ADAMTS16: variants seen among roughly 807,000 people sequenced by gnomAD.
ADAMTS16 encodes the protein A disintegrin and metalloproteinase with thrombospondin motifs 16.
Under a neutral mutation model 145.8 loss-of-function variants are expected in ADAMTS16, and 94 were observed. That is an observed-to-expected ratio of 0.64 (90% CI 0.55 to 0.77). ADAMTS16 has a LOEUF of 0.77. ADAMTS16 is among the 30% of genes least tolerant of loss of function. The pLI, the probability that ADAMTS16 is intolerant of heterozygous loss-of-function variation, is 0.00. For synonymous variants in ADAMTS16, 659 were observed against 604.3 expected, an observed-to-expected ratio of 1.09 and a Z score of -1.33; for missense variants, 1,585 against 1,591.5, an observed-to-expected ratio of 1.00 and a Z score of 0.07.
At chr5:5,288,198 C>A (rs1739173765) in intron 18 of ADAMTS16, among the ~76,000 whole-genome samples, 1 of 152,100 alleles carries the variant, frequency 6.6e-6, no homozygotes, top group African/African-American at 2.4e-5. Context: ...AGCCGAAGAA[C>A]GGAAGCCCAT....
chr5:5,303,868 T>C, intron 20 of ADAMTS16, 102 bp downstream of exon 20: 1 of 1,331,968 alleles, frequency 7.5e-7, no homozygotes, highest in Non-Finnish European at 1.0e-6. Flanking sequence ...TCTTCTCCCC[T>C]TATATCTCTT....
At position 5,215,896 on chromosome 5, in the gene ADAMTS16, A is replaced by G. The variant is rs370828350; in HGVS notation, c.1605+6650A>G. ...TATATATATATATATATATATATAT[A>G]TATATATATATATATATATCACAGT... On this transcript the variant is annotated intron_variant, in intron 10 of 22. Transcript: ENST00000274181. 4.9e-4 allele frequency among the ~76,000 whole-genome samples: 55 copies of G among 112,292 alleles called. No individual in the cohort carries two copies. In the South Asian group the frequency reaches 6.4e-3, roughly 13 times the overall value. The allele number at this position is 112,292 out of a possible 152,430, so 73.7% of individuals were successfully genotyped here.
chr5:5,221,231 G>T (rs560813426), intron 10 of ADAMTS16, among the ~76,000 whole-genome samples: 1 of 152,052 alleles, frequency 6.6e-6, no homozygotes, highest in Admixed American at 6.6e-5. Flanking sequence ...TGAATTCATG[G>T]GTTCCTTGGG....
intron 18 of ADAMTS16, among the ~76,000 whole-genome samples, chr5:5,271,157 C>A (rs1044074907): frequency 1.3e-5 from 2 of 152,236 alleles, no homozygotes; most frequent in Non-Finnish European, 2.9e-5. Flanking sequence ...TCCTCAGCAC[C>A]CAGAGGCCGT....
intron 20 of ADAMTS16, among the ~76,000 whole-genome samples, chr5:5,304,509 A>T (rs573995728): frequency 2.0e-5 from 3 of 152,206 alleles, no homozygotes; most frequent in African/African-American, 7.2e-5. Flanking sequence ...CGTAACCCAG[A>T]GCTGTGCCTC....
intron 3 of ADAMTS16, among the ~76,000 whole-genome samples, chr5:5,177,917 G>A (rs1039334363): frequency 6.6e-6 from 1 of 152,184 alleles, no homozygotes; most frequent in Admixed American, 6.5e-5. Flanking sequence ...TTCACTGGGA[G>A]TCTGTCTCAT....
chr5:5,216,920 T>C (rs1736455375), intron 10 of ADAMTS16, among the ~76,000 whole-genome samples: 1 of 151,730 alleles, frequency 6.6e-6, no homozygotes, highest in African/African-American at 2.4e-5. Flanking sequence ...TCCATGTCCC[T>C]ACAAAGGACA....
intron 21 of ADAMTS16, among the ~76,000 whole-genome samples, chr5:5,311,320 A>G (rs1353243242): frequency 1.4e-5 from 2 of 141,446 alleles, no homozygotes; most frequent in East Asian, 4.5e-4. Flanking sequence ...AAAAAAAACA[A>G]AAAAACAAAA....
intron 3 of ADAMTS16, among the ~76,000 whole-genome samples, chr5:5,159,967 T>C (rs926097125): frequency 6.6e-6 from 1 of 152,168 alleles, no homozygotes; most frequent in Non-Finnish European, 1.5e-5. Context: ...ATGACCTAAC[T>C]GAAGATGGGG....
intron 18 of ADAMTS16, among the ~76,000 whole-genome samples, chr5:5,288,290 G>C (rs1052967016): frequency 6.6e-6 from 1 of 152,102 alleles, no homozygotes; most frequent in Non-Finnish European, 1.5e-5. Flanking sequence ...CCGTGGGAAG[G>C]TCATTCATTT....
At chr5:5,183,851 T>C (rs1290331965) in intron 4 of ADAMTS16, among the ~76,000 whole-genome samples, 2 of 152,216 alleles carry the variant, frequency 1.3e-5, no homozygotes, top group African/African-American at 4.8e-5. Flanking sequence ...TGAAAGGCAG[T>C]TATTTCAAAA....
At chr5:5,189,128 A>T (rs1735588332) in intron 6 of ADAMTS16, among the ~76,000 whole-genome samples, 1 of 152,202 alleles carries the variant, frequency 6.6e-6, no homozygotes, top group Admixed American at 6.5e-5. Context: ...CAAAAATTTC[A>T]ATACGACATC....
At chr5:5,258,667 AGGTGGAT>A (rs1016454422) in intron 17 of ADAMTS16, among the ~76,000 whole-genome samples, 7 of 152,198 alleles carry the variant, frequency 4.6e-5, no homozygotes, top group African/African-American at 1.7e-4. Context: ...AGAGAACAGC[AGGTGGAT>A]GGTCCTGGGG....
Position 5,320,139 on chromosome 5 carries a change from G to T in ADAMTS16, c.*1001G>T, listed in dbSNP as rs1181484007. ...TCTATAATGCCAGGTGGGAAGCCAG[G>T]CTGCGGGTGTTAGGGTGGGAATCTG... On this transcript the variant is annotated 3_prime_UTR_variant, in exon 23 of 23. Coordinates refer to ENST00000274181, the MANE Select transcript of ADAMTS16 (RefSeq NM_139056.4). This position sits in a 1 kb window ranked among gnomAD's most constrained non-coding sequence, Gnocchi z 5.1. 6.4e-6 allele frequency: 2 copies of T among 314,510 alleles called. No individual in the cohort carries two copies. Among genetic ancestry groups the T allele is most frequent in the Non-Finnish European group, 1.2e-5 (2 of 167,568 alleles). The allele number at this position is 314,510 out of a possible 1,614,324, so 19.5% of individuals were successfully genotyped here. A position where few individuals can be genotyped will look rare whatever the true frequency, so the allele number is the denominator to read the frequency against.
chr5:5,162,891 G>A (rs971735701), intron 3 of ADAMTS16, among the ~76,000 whole-genome samples: 14 of 152,168 alleles, frequency 9.2e-5, no homozygotes, highest in Non-Finnish European at 1.9e-4. Flanking sequence ...CAGTCCTAGA[G>A]AGTGGATGGT....
chr5:5,249,557 G>A (rs1737558319), intron 17 of ADAMTS16, among the ~76,000 whole-genome samples: 1 of 152,100 alleles, frequency 6.6e-6, no homozygotes, highest in Non-Finnish European at 1.5e-5. Flanking sequence ...ACTGGCTGGT[G>A]GCTCCTGCGT....
intron 5 of ADAMTS16, among the ~76,000 whole-genome samples, chr5:5,186,576 C>A (rs144723854): frequency 1.3e-5 from 2 of 152,256 alleles, no homozygotes; most frequent in East Asian, 3.9e-4. Context: ...CACTGTAGTG[C>A]AGTAAATCTG....
At chr5:5,152,987 A>G (rs1281357726) in intron 3 of ADAMTS16, among the ~76,000 whole-genome samples, 1 of 152,242 alleles carries the variant, frequency 6.6e-6, no homozygotes, top group Non-Finnish European at 1.5e-5. Flanking sequence ...CATTTTACAG[A>G]TGATCCCAAA....
chr5:5,240,010 T>G (rs1737238838), intron 16 of ADAMTS16, 85 bp downstream of exon 16: 4 of 1,543,574 alleles, frequency 2.6e-6, no homozygotes, highest in Non-Finnish European at 3.5e-6. Context: ...GGCATAATTT[T>G]AAGAAGAATG....
Sources: allele counts gnomAD v4.1 joint callset (sites outside exome capture counted in the v4.1 genomes callset), GRCh38; gene constraint gnomAD v4.1.1; non-coding constraint Gnocchi (gnomAD v3.1); transcripts MANE v1.5; gene names NCBI Gene and HGNC (gene_info 2026-07-23, HGNC 2026-07-21).